UBE2E1: variants seen among roughly 807,000 people sequenced by gnomAD.
UBE2E1 encodes the protein ubiquitin-conjugating enzyme E2 E1.
Under a neutral mutation model 21.4 loss-of-function variants are expected in UBE2E1, and 6 were observed. That is an observed-to-expected ratio of 0.28 (90% CI 0.15 to 0.55). UBE2E1 has a LOEUF of 0.55. UBE2E1 is among the 20% of genes least tolerant of loss of function. The pLI, the probability that UBE2E1 is intolerant of heterozygous loss-of-function variation, is 0.93. For synonymous variants in UBE2E1, 87 were observed against 82.7 expected (o/e 1.05, Z -0.28); for missense variants, 142 against 236.5 (o/e 0.60, Z 2.62).
chr3:23,847,628 G>A (rs1344530460), intron 3 of UBE2E1, among the ~76,000 whole-genome samples: 1 of 151,188 alleles, frequency 6.6e-6, no homozygotes, highest in East Asian at 1.9e-4. Flanking sequence ...CCGAGTAGCT[G>A]GGACTACAGG....
intron 3 of UBE2E1, among the ~76,000 whole-genome samples, chr3:23,858,008 G>T (rs147575710): frequency 4.6e-5 from 7 of 152,124 alleles, no homozygotes; most frequent in Non-Finnish European, 8.8e-5. Context: ...TTTTATTGGA[G>T]ATGGGGTTTC....
intron 3 of UBE2E1, among the ~76,000 whole-genome samples, chr3:23,869,418 C>CGT (rs1300178679): frequency 2.5e-5 from 1 of 39,840 alleles, no homozygotes; most frequent in African/African-American, 1.7e-4. Context: ...TTGGTCTTTT[C>CGT]CTGTGTGTGT....
chr3:23,889,031 C>T (rs1310455075), intron 4 of UBE2E1, 81 bp from the exon 5 acceptor site: 4 of 1,420,898 alleles, frequency 2.8e-6, no homozygotes, highest in Non-Finnish European at 2.8e-6. Flanking sequence ...TTTTAGTCAC[C>T]TTCTTAAGGG....
At chr3:23,888,324 G>A (rs1304480644) in intron 4 of UBE2E1, 1 of 454,706 alleles carries the variant, frequency 2.2e-6, no homozygotes, top group African/African-American at 2.0e-5. Context: ...CAGTCAGAAA[G>A]AAAACCCCGT....
In UBE2E1 at chr3:23,857,207, AG is replaced by A. The variant is rs947296430; in HGVS notation, c.204-30356del. On this transcript the variant is annotated intron_variant, in intron 3 of 5. Transcript: ENST00000306627. The stretch of plus-strand genomic sequence containing the variant: ...GGAGAAAGCTGGCCCAGCAGCCTGG[AG>A]GGGTAGAGGTGTTCAGGAGTATGTT... Among the ~76,000 whole-genome samples the A allele has an allele frequency of 3.9e-5, 6 of 151,918 alleles. No individual in the cohort carries two copies. The South Asian group carries it at 8.3e-4, about 21-fold the overall frequency.
chr3:23,843,546 A>G (rs1047205123), intron 3 of UBE2E1, among the ~76,000 whole-genome samples: 5 of 152,194 alleles, frequency 3.3e-5, no homozygotes, highest in Admixed American at 1.3e-4. Context: ...TCAACTTTCA[A>G]TAAATGAGAT....
At chr3:23,851,993 G>T (rs375203234) in intron 3 of UBE2E1, among the ~76,000 whole-genome samples, 41 of 152,172 alleles carry the variant, frequency 2.7e-4, no homozygotes, top group African/African-American at 9.9e-4. Context: ...GTTCATGCAA[G>T]ATCTCATTGT....
At chr3:23,844,342 G>A (rs916085661) in intron 3 of UBE2E1, among the ~76,000 whole-genome samples, 7 of 152,126 alleles carry the variant, frequency 4.6e-5, no homozygotes, top group African/African-American at 1.7e-4. Flanking sequence ...CATAAATGAT[G>A]CCTAATTCTT....
rs1359593144 is a variant in UBE2E1, at chr3:23,810,392, G to A, written c.153-1068G>A. 2 of 1,526,080 alleles carry A rather than the reference G, an allele frequency of 1.3e-6. No homozygotes were observed. Among genetic ancestry groups the A allele is most frequent in the Non-Finnish European group, 1.8e-6 (2 of 1,138,866 alleles). 94.5% of individuals were successfully genotyped at this position (1,526,080 alleles called of 1,614,324 possible). A position where few individuals can be genotyped will look rare whatever the true frequency, so the allele number is the denominator to read the frequency against. On this transcript the variant is annotated intron_variant, in intron 2 of 5. Coordinates refer to ENST00000306627, the MANE Select transcript of UBE2E1 (RefSeq NM_003341.5). The surrounding 1 kb of genome is among the most constrained non-coding windows in gnomAD (Gnocchi z 5.8). ...CTTCGGCCTATGAGTGGGGGATGGG[G>A]CCCTTTGTGAAGTCGAGGGTTGGTG...
chr3:23,884,165 AT>A (rs150955704), intron 3 of UBE2E1, among the ~76,000 whole-genome samples: 512 of 152,122 alleles, frequency 3.4e-3, no homozygotes, highest in African/African-American at 0.012. Context: ...GTTGTACTTG[AT>A]TTCTTTTCTG....
intron 3 of UBE2E1, among the ~76,000 whole-genome samples, chr3:23,868,311 A>T (rs374349226): frequency 7.4e-4 from 113 of 151,804 alleles, no homozygotes; most frequent in African/African-American, 2.6e-3. Context: ...TTTTATTTTT[A>T]TTTATTTATT....
At chr3:23,888,206 G>A (rs1188795292) in intron 4 of UBE2E1, 1 of 456,778 alleles carries the variant, frequency 2.2e-6, no homozygotes, top group Non-Finnish European at 4.4e-6. Context: ...TGTGCTCCCT[G>A]TCATGTTTTG....
In UBE2E1 at chr3:23,851,276, C is replaced by T. The variant is rs149695312; in HGVS notation, c.204-36291C>T. On this transcript the variant is annotated intron_variant, in intron 3 of 5. Transcript: ENST00000306627. ...TGTATCTATCCTTTTGCTGGTACTA[C>T]GATGTCTTAATTTCTGTGGCTTCAT... is the stretch of plus-strand genomic sequence containing the variant. 3.0e-3 allele frequency among the ~76,000 whole-genome samples: 457 copies of T among 152,250 alleles called. 2 individuals are homozygous for T. The highest frequency in any genetic ancestry group is 4.7e-3 in the Non-Finnish European group (321 of 68,016).
At position 23,816,360 on chromosome 3, in the gene UBE2E1, AT is replaced by A. The variant is rs201702865; in HGVS notation, c.203+4851del. On this transcript the variant is annotated intron_variant, in intron 3 of 5. Transcript: ENST00000306627. This position sits in a 1 kb window ranked among gnomAD's most constrained non-coding sequence, Gnocchi z 4.8. Reference sequence around the variant, plus strand: ...AATCTATAAACTGGAATATTCATCTATAAAAAGGAATGAAGTTGTGATGCAT... The same window carrying A: ...AATCTATAAACTGGAATATTCATCTAAAAAAGGAATGAAGTTGTGATGCAT... 0.015 allele frequency among the ~76,000 whole-genome samples: 2,255 copies of A among 152,336 alleles called. 34 individuals carry two copies. The highest frequency in any genetic ancestry group is 0.017 in the Non-Finnish European group (1,179 of 68,036).
chr3:23,823,274 A>G lies in UBE2E1; in HGVS notation c.203+11764A>G, dbSNP rs529345467. Among the ~76,000 whole-genome samples, 1 of 152,340 alleles carries G rather than the reference A, an allele frequency of 6.6e-6. No homozygotes were observed. The highest frequency in any genetic ancestry group is 1.9e-4 in the East Asian group (1 of 5,186). The stretch of plus-strand genomic sequence containing the variant: ...TGATCATGTCTTAATAATTTGTTTC[A>G]GATTATGCCAGATACTCTTGGTCCT... On this transcript the variant is annotated intron_variant, in intron 3 of 5. Transcript: ENST00000306627. The surrounding 1 kb of genome is among the most constrained non-coding windows in gnomAD (Gnocchi z 4.2).
rs2125301508 is a variant in UBE2E1 at position 23,842,581 on chromosome 3, T to C, written c.203+31071T>C. On this transcript the variant is annotated intron_variant, in intron 3 of 5. Coordinates refer to ENST00000306627, the MANE Select transcript of UBE2E1 (RefSeq NM_003341.5). This position sits in a 1 kb window ranked among gnomAD's most constrained non-coding sequence, Gnocchi z 4.6. The stretch of plus-strand genomic sequence containing the variant: ...CAAGATATTTCAAGGCCTCCTTTTG[T>C]TATGTAAGCTGAATTCATAGCTTGA... Among the ~76,000 whole-genome samples, 2 of 152,320 alleles carry C rather than the reference T, an allele frequency of 1.3e-5. No individual in the cohort carries two copies. Among genetic ancestry groups the C allele is most frequent in the South Asian group, 4.1e-4 (2 of 4,824 alleles).
chr3:23,864,884 C>T (rs1700621332), intron 3 of UBE2E1, among the ~76,000 whole-genome samples: 1 of 152,240 alleles, frequency 6.6e-6, no homozygotes. Context: ...TGGGGTCTTA[C>T]TGTCCTGCAT....
Position 23,807,344 on chromosome 3 carries a change from A to C in UBE2E1, c.75A>C (p.Glu25Asp), listed in dbSNP as rs36060625. The change falls in exon 2 of 6, where the codon GAA becomes GAC. Residue 25 changes from glutamate (E) to aspartate (D), a missense_variant. Glu to Asp is a conservative substitution (Grantham distance 45, BLOSUM62 2). This residue lies in a region of UBE2E1 where 55 missense variants were observed against 51.5 expected (regional missense o/e 1.07). Transcript: ENST00000306627. Reference sequence around the variant, plus strand: ...CTTCCAACCAGCAAACCGAGAAAGAAACAAACACCCCCAAGAAGAAGGAGA... The same window carrying C: ...CTTCCAACCAGCAAACCGAGAAAGACACAAACACCCCCAAGAAGAAGGAGA... Reference protein sequence around the residue: ...SSSSNQQTEKETNTPKKKESK... With the variant: ...SSSSNQQTEKDTNTPKKKESK... The C allele has an allele frequency of 0.063, 102,363 of 1,613,718 alleles. 3,790 individuals are homozygous for C. Among genetic ancestry groups the C allele is most frequent in the Admixed American group, 0.14 (8,381 of 59,930 alleles).
At position 23,891,450 on chromosome 3, in the gene UBE2E1, A is replaced by G. The variant is rs1398623208; in HGVS notation, c.*844A>G. The G allele has an allele frequency of 1.3e-5, 2 of 152,228 alleles. No homozygotes were observed. 9.4% of individuals were successfully genotyped at this position (152,228 alleles called of 1,614,324 possible). A position where few individuals can be genotyped will look rare whatever the true frequency, so the allele number is the denominator to read the frequency against. ...TAGGTATTAGTTAGTTACCTATATT[A>G]GGATCTGTACTTTACACAGCTGTAG... On this transcript the variant is annotated 3_prime_UTR_variant, in exon 6 of 6. Transcript: ENST00000306627.
Sources: allele counts gnomAD v4.1 joint callset (sites outside exome capture counted in the v4.1 genomes callset), GRCh38; gene constraint gnomAD v4.1.1; regional missense constraint gnomAD v4.1.1; non-coding constraint Gnocchi (gnomAD v3.1); transcripts MANE v1.5; gene names NCBI Gene and HGNC (gene_info 2026-07-23, HGNC 2026-07-21).